MARCHF3: variants seen among roughly 807,000 people sequenced by gnomAD.
MARCHF3 encodes membrane associated ring-CH-type finger 3.
Under a neutral mutation model 24.2 loss-of-function variants are expected in MARCHF3, and 13 were observed. The observed-to-expected ratio is 0.54, with a 90% CI of 0.35 to 0.85. The LOEUF (loss-of-function observed/expected upper bound fraction) is 0.85, where lower values mean the gene tolerates loss of function less well. Ranked by LOEUF, MARCHF3 falls within the 40% of genes least tolerant of loss-of-function variation. The probability of loss-of-function intolerance (pLI) is 0.01; values close to 1 mark genes in which losing one functional copy is unlikely to be tolerated. For synonymous variants in MARCHF3, 144 were observed against 137.3 expected, an observed-to-expected ratio of 1.05 and a Z score of -0.34; for missense variants, 276 against 325.0, an observed-to-expected ratio of 0.85 and a Z score of 1.16.
At chr5:126,934,172 CTTAT>C (rs1249514386) in intron 1 of MARCHF3, among the ~76,000 whole-genome samples, 68 of 152,270 alleles carry the variant, frequency 4.5e-4, no homozygotes, top group African/African-American at 1.5e-3. Flanking sequence ...CTACTTTCTT[CTTAT>C]TTATTTATTT....
intron 1 of MARCHF3, among the ~76,000 whole-genome samples, chr5:126,965,187 C>T (rs1190205252): frequency 6.6e-6 from 1 of 152,026 alleles, no homozygotes; most frequent in Non-Finnish European, 1.5e-5. Context: ...GTCTTCATAA[C>T]AATCATATGA....
chr5:126,908,030 T>C (rs1342788023), intron 3 of MARCHF3, among the ~76,000 whole-genome samples: 56 of 152,302 alleles, frequency 3.7e-4, no homozygotes, highest in African/African-American at 1.9e-4. Context: ...TGACAAAATC[T>C]CTCAGCATTT....
chr5:126,903,046 G>A (rs1754158824), intron 3 of MARCHF3, among the ~76,000 whole-genome samples: 1 of 152,100 alleles, frequency 6.6e-6, no homozygotes, highest in Non-Finnish European at 1.5e-5. Flanking sequence ...TTTACCTTGT[G>A]ATTTTGAATC....
rs530503187 is a variant in MARCHF3, at chr5:126,945,686, A to G, written c.-56-27459T>C. On this transcript the variant is annotated intron_variant, in intron 1 of 4. Transcript: ENST00000308660. ...AGGGGGCTTTGTGCAGGCATGGTAA[A>G]GGTTGTAAGTATGGGGTCTGAGTTC... Among the ~76,000 whole-genome samples the G allele has an allele frequency of 2.0e-5, 3 of 152,272 alleles. No individual in the cohort carries two copies. In the South Asian group the frequency reaches 6.2e-4, roughly 32 times the overall value.
intron 1 of MARCHF3, among the ~76,000 whole-genome samples, chr5:126,989,628 G>A (rs1751683815): frequency 6.6e-6 from 1 of 152,142 alleles, no homozygotes; most frequent in South Asian, 2.1e-4. Flanking sequence ...CTCAGCTGGG[G>A]AGTGAGATTT....
At chr5:126,893,246 G>A (rs1396146890) in intron 3 of MARCHF3, among the ~76,000 whole-genome samples, 1 of 151,620 alleles carries the variant, frequency 6.6e-6, no homozygotes, top group East Asian at 1.9e-4. Context: ...ACCAGCTCCT[G>A]GATTCGTTAA....
chr5:127,029,509 G>A (rs1452671863), intron 1 of MARCHF3, among the ~76,000 whole-genome samples: 2 of 152,140 alleles, frequency 1.3e-5, no homozygotes. Context: ...ATTAAGGGGG[G>A]AAAACAATCT....
At chr5:126,941,773 A>C (rs570154789) in intron 1 of MARCHF3, among the ~76,000 whole-genome samples, 4 of 152,336 alleles carry the variant, frequency 2.6e-5, no homozygotes, top group African/African-American at 9.6e-5. Flanking sequence ...CCCTGACCCC[A>C]TTGCCACTGT....
chr5:126,986,785 G>T (rs1217519496), intron 1 of MARCHF3, among the ~76,000 whole-genome samples: 1 of 152,112 alleles, frequency 6.6e-6, no homozygotes, highest in East Asian at 1.9e-4. Context: ...GAAAAACTGG[G>T]TTCTCTTTAA....
At chr5:126,975,296 C>T (rs1751154968) in intron 1 of MARCHF3, among the ~76,000 whole-genome samples, 1 of 152,166 alleles carries the variant, frequency 6.6e-6, no homozygotes. Flanking sequence ...TTTACTATTA[C>T]ATTTTCATGT....
In MARCHF3 at chr5:126,956,665, A is replaced by AC. The variant is rs1195256549; in HGVS notation, c.-56-38439_-56-38438insG. Among the ~76,000 whole-genome samples the AC allele has an allele frequency of 6.2e-3, 900 of 144,734 alleles. 27 individuals are homozygous for AC. The highest frequency in any genetic ancestry group is 0.023 in the African/African-American group (858 of 37,890). The allele number at this position is 144,734 out of a possible 152,430, so 95.0% of individuals were successfully genotyped here. A position where few individuals can be genotyped will look rare whatever the true frequency, so the allele number is the denominator to read the frequency against. Reference sequence around the variant, plus strand: ...GTCTCCAAAAAAAAAAAAAAAAAAAAAAAAAACCAAAAAAACAACAACAAA... The same window carrying AC: ...GTCTCCAAAAAAAAAAAAAAAAAAAACAAAAAACCAAAAAAACAACAACAAA... On this transcript the variant is annotated intron_variant, in intron 1 of 4. Transcript: ENST00000308660.
intron 3 of MARCHF3, among the ~76,000 whole-genome samples, chr5:126,904,142 CTCA>C (rs1754203346): frequency 1.3e-5 from 2 of 149,674 alleles, no homozygotes; most frequent in Non-Finnish European, 1.5e-5. Context: ...AGGACATGAA[CTCA>C]TCATTTTTTA....
At chr5:126,888,265 C>T (rs1333531831) in intron 3 of MARCHF3, among the ~76,000 whole-genome samples, 1 of 152,188 alleles carries the variant, frequency 6.6e-6, no homozygotes, top group Non-Finnish European at 1.5e-5. Context: ...AAGTCATATT[C>T]AAGGACACCC....
At chr5:126,910,973 G>T (rs949199213) in intron 3 of MARCHF3, among the ~76,000 whole-genome samples, 3 of 152,152 alleles carry the variant, frequency 2.0e-5, no homozygotes, top group African/African-American at 7.2e-5. Flanking sequence ...TGGCTGCTTC[G>T]GGGGCAGCCG....
At chr5:126,988,049 A>T (rs1363665921) in intron 1 of MARCHF3, among the ~76,000 whole-genome samples, 3 of 151,554 alleles carry the variant, frequency 2.0e-5, no homozygotes, top group East Asian at 1.9e-4. Context: ...ATAAAAAGTT[A>T]AAAAAAACTG....
chr5:126,961,532 C>G (rs1466300541), intron 1 of MARCHF3, among the ~76,000 whole-genome samples: 1 of 151,990 alleles, frequency 6.6e-6, no homozygotes, highest in Non-Finnish European at 1.5e-5. Flanking sequence ...CCTTTTTTGT[C>G]CTATGCTGTC....
chr5:126,906,780 G>A (rs1050727946), intron 3 of MARCHF3, among the ~76,000 whole-genome samples: 27 of 152,004 alleles, frequency 1.8e-4, no homozygotes, highest in African/African-American at 5.5e-4. Context: ...TCCTGGATTC[G>A]TTAATTTTTT....
intron 1 of MARCHF3, among the ~76,000 whole-genome samples, chr5:127,016,936 A>G (rs1385975606): frequency 6.6e-6 from 1 of 152,188 alleles, no homozygotes; most frequent in African/African-American, 2.4e-5. Context: ...ATGCAGCCAT[A>G]AAAAAGGATG....
chr5:126,888,420 A>G (rs1399050216), intron 3 of MARCHF3, among the ~76,000 whole-genome samples: 3 of 152,228 alleles, frequency 2.0e-5, no homozygotes, highest in Admixed American at 6.5e-5. Flanking sequence ...ACTCACACCA[A>G]TGGTTTATTT....
Sources: allele counts gnomAD v4.1 joint callset (sites outside exome capture counted in the v4.1 genomes callset), GRCh38; gene constraint gnomAD v4.1.1; transcripts MANE v1.5; gene names NCBI Gene and HGNC (gene_info 2026-07-23, HGNC 2026-07-21).